CDH3: variants seen among roughly 807,000 people sequenced by gnomAD.
CDH3 encodes cadherin 3.
CDH3 carries 54 observed loss-of-function variants against 82.0 expected under a neutral mutation model. The observed-to-expected ratio is 0.66, with a 90% CI of 0.53 to 0.83. The LOEUF is 0.83. Among genes scored for constraint, CDH3 ranks in the 40% least tolerant of loss-of-function variants. CDH3 has a pLI of 0.00. For missense variants in CDH3, 1,054 were observed against 1,084.6 expected (o/e 0.97, Z 0.40); for synonymous variants, 446 against 437.9 (o/e 1.02, Z -0.23).
At chr16:68,720,640 G>T (rs1017933508) in intron 1 of CDH3, among the ~76,000 whole-genome samples, 1 of 148,504 alleles carries the variant, frequency 6.7e-6, no homozygotes, top group African/African-American at 2.5e-5. Context: ...TTTTGAGATG[G>T]AGTCTCGCTC....
At chr16:68,684,861 G>A (rs760047944) in intron 10 of CDH3, 37 bp downstream of exon 10, 12 of 1,613,232 alleles carry the variant, frequency 7.4e-6, no homozygotes, top group East Asian at 4.5e-5. Context: ...AGCACGTACT[G>A]GTACAGTTGG....
intron 2 of CDH3, among the ~76,000 whole-genome samples, chr16:68,724,629 T>TA (rs11322339): frequency 4.8e-5 from 7 of 146,568 alleles, no homozygotes; most frequent in African/African-American, 7.6e-5. Context: ...CCCTATTATT[T>TA]AAAAAAAAAA....
rs369115604 is a variant in CDH3, at chr16:68,725,236, T to A, written c.*46-1917T>A. ...GGGGCCTGCTGCCCATGGACTTGGT[T>A]CAGGAAAAATCTTGTCCCCTGAGTA... On this transcript the variant is annotated intron_variant, in intron 2 of 2. Coordinates refer to the CDH3 transcript ENST00000569080. Among the ~76,000 whole-genome samples, 4 of 152,256 alleles carry A rather than the reference T, an allele frequency of 2.6e-5. No individual in the cohort carries two copies. In the East Asian group the frequency reaches 7.7e-4, roughly 29 times the overall value.
chr16:68,680,828 G>A (rs1341117559), intron 7 of CDH3, 140 bp from the exon 8 acceptor site: 2 of 879,116 alleles, frequency 2.3e-6, no homozygotes, highest in Non-Finnish European at 3.8e-6. Context: ...GTGGGTGAGG[G>A]GTGGTCAAGG....
At chr16:68,654,702 CA>C (rs199604730) in intron 2 of CDH3, among the ~76,000 whole-genome samples, 38,152 of 124,024 alleles carry the variant, frequency 0.31, 6,364 homozygotes, top group East Asian at 0.44. Context: ...GACTCTGTCT[CA>C]AAAAAAAAAA....
At chr16:68,710,950 A>AGAGGG (rs1201292969) in intron 1 of CDH3, among the ~76,000 whole-genome samples, 1 of 104,412 alleles carries the variant, frequency 9.6e-6, no homozygotes, top group Non-Finnish European at 1.9e-5. Context: ...GGAGGGGAGG[A>AGAGGG]GAGGGGAGGG....
intron 12 of CDH3, among the ~76,000 whole-genome samples, chr16:68,690,752 C>G (rs1248329576): frequency 6.6e-6 from 1 of 152,000 alleles, no homozygotes; most frequent in Non-Finnish European, 1.5e-5. Flanking sequence ...ACTAAAAATA[C>G]AAAAATTAGC....
chr16:68,720,401 G>C (rs781759137), intron 1 of CDH3, among the ~76,000 whole-genome samples: 20 of 152,146 alleles, frequency 1.3e-4, no homozygotes, highest in Non-Finnish European at 2.4e-4. Flanking sequence ...CAGCCTGACA[G>C]CTGTGTCTGG....
At chr16:68,651,760 C>A in intron 2 of CDH3, 2 of 414,796 alleles carry the variant, frequency 4.8e-6, no homozygotes, top group South Asian at 2.1e-5. Context: ...GGCTGCAGCT[C>A]GTTCATGAGT....
chr16:68,703,002 C>G (rs997622555), downstream of CDH3, among the ~76,000 whole-genome samples: 1 of 152,186 alleles, frequency 6.6e-6, no homozygotes, highest in Admixed American at 6.5e-5. Context: ...CAATCCCTCC[C>G]TGACATTTTA....
rs899878582 is a variant in CDH3 at position 68,662,639 on chromosome 16, G to A, written c.161-13746G>A. 2.0e-5 allele frequency among the ~76,000 whole-genome samples: 3 copies of A among 150,400 alleles called. No individual in the cohort carries two copies. The Admixed American group carries it at 2.0e-4, about 10-fold the overall frequency. ...CTCACTGCAAGAAGCTCCACCTCCGGGTTCACACCATTCTCCTGCCTCAGC... is the reference window on the plus strand; with the variant it reads ...CTCACTGCAAGAAGCTCCACCTCCGAGTTCACACCATTCTCCTGCCTCAGC... On this transcript the variant is annotated intron_variant, in intron 2 of 15. Coordinates refer to ENST00000264012, the MANE Select transcript of CDH3 (RefSeq NM_001793.6).
intron 2 of CDH3, among the ~76,000 whole-genome samples, chr16:68,723,064 T>A (rs1290149354): frequency 2.1e-5 from 3 of 142,292 alleles, no homozygotes; most frequent in African/African-American, 5.1e-5. Context: ...TTTTTTTTTT[T>A]ATCTTTTAGA....
intron 12 of CDH3, among the ~76,000 whole-genome samples, chr16:68,691,152 C>T (rs904047060): frequency 3.2e-4 from 49 of 151,640 alleles, no homozygotes; most frequent in Non-Finnish European, 6.5e-4. Context: ...ACTACAGGCA[C>T]GTGCCATCAC....
chr16:68,646,774 G>C (rs1283886997), intron 2 of CDH3, among the ~76,000 whole-genome samples: 5 of 152,028 alleles, frequency 3.3e-5, no homozygotes, highest in Non-Finnish European at 7.4e-5. Context: ...TAGGGGGAAG[G>C]AACCGTGGCT....
intron 9 of CDH3, among the ~76,000 whole-genome samples, chr16:68,683,946 A>G (rs1001970892): frequency 1.3e-5 from 2 of 151,624 alleles, no homozygotes; most frequent in African/African-American, 4.8e-5. Context: ...ACATGCCTGT[A>G]GTCCCAGCTA....
intron 6 of CDH3, among the ~76,000 whole-genome samples, chr16:68,679,227 T>C (rs924131197): frequency 6.6e-6 from 1 of 152,268 alleles, no homozygotes; most frequent in Non-Finnish European, 1.5e-5. Context: ...GGCATATTCT[T>C]GACCTCTGAG....
intron 9 of CDH3, among the ~76,000 whole-genome samples, chr16:68,682,897 CTT>C (rs954532441): frequency 4.6e-5 from 7 of 152,140 alleles, no homozygotes; most frequent in Admixed American, 2.0e-4. Context: ...CAAAAAGTCT[CTT>C]TTTTGTGTGT....
chr16:68,651,509 CTTCT>C (rs1432465602), intron 2 of CDH3: 3 of 496,214 alleles, frequency 6.0e-6, no homozygotes, highest in Non-Finnish European at 1.2e-5. Flanking sequence ...TTTGCTCCTG[CTTCT>C]TTGAGTACCT....
intron 1 of CDH3, among the ~76,000 whole-genome samples, chr16:68,712,294 C>T (rs181263401): frequency 2.1e-3 from 293 of 140,966 alleles, no homozygotes; most frequent in Middle Eastern, 0.011. Flanking sequence ...ACCTTGACCT[C>T]CTAAATCCTG....
Sources: allele counts gnomAD v4.1 joint callset (sites outside exome capture counted in the v4.1 genomes callset), GRCh38; gene constraint gnomAD v4.1.1; transcripts MANE v1.5; gene names NCBI Gene and HGNC (gene_info 2026-07-23, HGNC 2026-07-21).